MFGE8: variants seen among roughly 807,000 people sequenced by gnomAD.
MFGE8 encodes the protein lactadherin.
Under a neutral mutation model 42.6 loss-of-function variants are expected in MFGE8, and 34 were observed. The ratio of observed to expected loss-of-function variants is 0.80; its 90% CI spans 0.61 to 1.06. The LOEUF (loss-of-function observed/expected upper bound fraction) is 1.06, where lower values mean the gene tolerates loss of function less well. MFGE8 is among the 50% of genes least tolerant of loss of function. The pLI is 0.00. For missense variants in MFGE8, 510 were observed against 516.9 expected, an observed-to-expected ratio of 0.99 and a Z score of 0.13; for synonymous variants, 230 against 214.8, an observed-to-expected ratio of 1.07 and a Z score of -0.62.
At chr15:88,911,619 T>A (rs1030613455) in intron 1 of MFGE8, among the ~76,000 whole-genome samples, 7 of 151,758 alleles carry the variant, frequency 4.6e-5, no homozygotes, top group Non-Finnish European at 8.8e-5. Flanking sequence ...CCCAGCTACT[T>A]GGGAGGCTGA....
intron 5 of MFGE8, chr15:88,904,865 T>C (rs1898593404): frequency 6.6e-6 from 1 of 152,298 alleles, no homozygotes; most frequent in African/African-American, 2.4e-5. Context: ...GGCCAGCGGG[T>C]AAGATAAGAA....
Position 88,906,811 on chromosome 15 carries a change from T to A in MFGE8, c.388-33A>T. 6.2e-7 allele frequency: 1 copy of A among 1,611,644 alleles called. No individual in the cohort carries two copies. The highest frequency in any genetic ancestry group is 8.5e-7 in the Non-Finnish European group (1 of 1,179,618). The stretch of plus-strand genomic sequence containing the variant: ...CAGGGCAGGGGAGATGGCACCCTTA[T>A]CTCCTGGGTTCTTTCCACTCAAGAT... On this transcript the variant is annotated intron_variant, in intron 3 of 7. Coordinates refer to ENST00000268150, the MANE Select transcript of MFGE8 (RefSeq NM_005928.4). The surrounding 1 kb of genome is among the most constrained non-coding windows in gnomAD (Gnocchi z 4.2).
intron 6 of MFGE8, 100 bp downstream of exon 6, chr15:88,901,451 G>T: frequency 8.4e-7 from 1 of 1,185,598 alleles, no homozygotes; most frequent in Admixed American, 1.9e-5. Context: ...ACTCTTTTGG[G>T]GAGCAGAAGA....
At chr15:88,901,163 TCACA>T (rs1335179230) in intron 6 of MFGE8, among the ~76,000 whole-genome samples, 2 of 89,262 alleles carry the variant, frequency 2.2e-5, no homozygotes, top group African/African-American at 8.6e-5. Context: ...ACACACACAT[TCACA>T]CACATTCTCA....
Position 88,906,777 on chromosome 15 carries a change from ACCTGGACACAGGG to A in MFGE8, c.388-12_388del. On this transcript the variant is annotated splice_acceptor_variant and splice_polypyrimidine_tract_variant and coding_sequence_variant and intron_variant, in exon 4 of 8. Coordinates refer to ENST00000268150, the MANE Select transcript of MFGE8 (RefSeq NM_005928.4). LOFTEE classifies it high-confidence loss of function. This position sits in a 1 kb window ranked among gnomAD's most constrained non-coding sequence, Gnocchi z 4.2. Reference sequence around the variant, plus strand: ...TACCCACATCCTCCGCAGCAGGTTCACCTGGACACAGGGCAGGGGAGATGGCACCCTTATCTCC... The same window carrying A: ...TACCCACATCCTCCGCAGCAGGTTCACAGGGGAGATGGCACCCTTATCTCC... The A allele has an allele frequency of 9.9e-6, 16 of 1,612,692 alleles. No individual in the cohort carries two copies. The highest frequency in any genetic ancestry group is 1.3e-5 in the African/African-American group (1 of 74,970).
In MFGE8 at chr15:88,913,323, G is replaced by T. The variant is rs146809851; in HGVS notation, c.-4C>A. ...CCAGCAGGCGGGGGCGCGGCATGCT[G>T]CGGGGACGCGGGCGCTGGAATGGGC... is the stretch of plus-strand genomic sequence containing the variant. On this transcript the variant is annotated 5_prime_UTR_variant, in exon 1 of 8. Coordinates refer to ENST00000268150, the MANE Select transcript of MFGE8 (RefSeq NM_005928.4). The T allele has an allele frequency of 7.0e-7, 1 of 1,436,602 alleles. No homozygotes were observed. Among genetic ancestry groups the T allele is most frequent in the East Asian group, 2.9e-5 (1 of 34,450 alleles). The allele number at this position is 1,436,602 out of a possible 1,614,324, so 89.0% of individuals were successfully genotyped here. A position where few individuals can be genotyped will look rare whatever the true frequency, so the allele number is the denominator to read the frequency against.
intron 3 of MFGE8, 40 bp downstream of exon 3, chr15:88,907,155 T>C (rs747215675): frequency 8.2e-6 from 13 of 1,592,088 alleles, no homozygotes; most frequent in Non-Finnish European, 1.1e-5. Flanking sequence ...CATCGAGCCT[T>C]CTCTCCATTG....
intron 3 of MFGE8, 29 bp downstream of exon 3, chr15:88,907,166 C>T: frequency 1.9e-6 from 3 of 1,601,422 alleles, no homozygotes; most frequent in Middle Eastern, 1.7e-4. Flanking sequence ...CTCTCCATTG[C>T]CCCGCCCCAG....
At chr15:88,912,477 TAA>T (rs1282231403) in intron 1 of MFGE8, 3 of 985,234 alleles carry the variant, frequency 3.0e-6, no homozygotes, top group Non-Finnish European at 3.6e-6. Context: ...AGGGGCCACC[TAA>T]AGAGTCCTGG....
At chr15:88,910,096 A>G (rs1898889829) in intron 1 of MFGE8, 173 bp from the exon 2 acceptor site, 1 of 804,718 alleles carries the variant, frequency 1.2e-6, no homozygotes. Context: ...CCTAGAGCCA[A>G]GGAAGTCCAT....
chr15:88,905,658 C>T lies in MFGE8; in HGVS notation c.685+99G>A. ...GCCTGGTCCCCGTGCCTTGTTGCTG[C>T]CCTACCTAGCTCAGTTTGGCTGAGA... On this transcript the variant is annotated intron_variant, in intron 5 of 7. Coordinates refer to ENST00000268150, the MANE Select transcript of MFGE8 (RefSeq NM_005928.4). The surrounding 1 kb of genome is among the most constrained non-coding windows in gnomAD (Gnocchi z 6.6). The T allele has an allele frequency of 6.5e-7, 1 of 1,546,720 alleles. No individual in the cohort carries two copies. The highest frequency in any genetic ancestry group is 8.9e-7 in the Non-Finnish European group (1 of 1,126,740).
chr15:88,912,508 G>T (rs1899012964), intron 1 of MFGE8: 2 of 985,308 alleles, frequency 2.0e-6, no homozygotes, highest in Non-Finnish European at 2.4e-6. Context: ...CCCTCCCAGC[G>T]CTCCACGGTG....
Position 88,899,223 on chromosome 15 carries a change from G to A in MFGE8, c.*172C>T, listed in dbSNP as rs373425117. The A allele has an allele frequency of 3.4e-5, 30 of 874,002 alleles. No homozygotes were observed. Among genetic ancestry groups the A allele is most frequent in the African/African-American group, 1.3e-4 (8 of 60,028 alleles). 54.1% of individuals were successfully genotyped at this position (874,002 alleles called of 1,614,324 possible). ...GGGCTTAGGGGCTGGGGCAGGGCCC[G>A]TGAGAGGTGGAGGGTGGGAAAGAGG... On this transcript the variant is annotated 3_prime_UTR_variant, in exon 8 of 8. Coordinates refer to ENST00000268150, the MANE Select transcript of MFGE8 (RefSeq NM_005928.4). The surrounding 1 kb of genome is among the most constrained non-coding windows in gnomAD (Gnocchi z 6.8).
chr15:88,913,198 C>T, intron 1 of MFGE8, 49 bp downstream of exon 1: 2 of 1,477,928 alleles, frequency 1.4e-6, no homozygotes, highest in Admixed American at 2.3e-5. Flanking sequence ...AACTTCCGAG[C>T]GGCGCGGGGA....
At position 88,899,592 on chromosome 15, in the gene MFGE8, A is replaced by C; in HGVS notation, c.1027-60T>G. 6.2e-7 allele frequency: 1 copy of C among 1,614,090 alleles called. No individual in the cohort carries two copies. The highest frequency in any genetic ancestry group is 1.1e-5 in the South Asian group (1 of 91,068). ...CCAGCCCCCCTCCCCTCAGAGCCCCAGGCCAGACTCCCAGGGAAGTAATGA... is the reference window on the plus strand; with the variant it reads ...CCAGCCCCCCTCCCCTCAGAGCCCCCGGCCAGACTCCCAGGGAAGTAATGA... On this transcript the variant is annotated intron_variant, in intron 7 of 7. Transcript: ENST00000268150. This position sits in a 1 kb window ranked among gnomAD's most constrained non-coding sequence, Gnocchi z 6.8.
Position 88,913,362 on chromosome 15 carries a change from C to G in MFGE8, c.-43G>C, listed in dbSNP as rs1438692463. On this transcript the variant is annotated 5_prime_UTR_variant, in exon 1 of 8. Coordinates refer to ENST00000268150, the MANE Select transcript of MFGE8 (RefSeq NM_005928.4). ...GCTGGAATGGGCACGCTGGGCTGCT[C>G]AGACCCCGCGGGGTTCTGGCGCCTT... The G allele has an allele frequency of 2.2e-6, 3 of 1,360,856 alleles. No homozygotes were observed. Among genetic ancestry groups the G allele is most frequent in the Non-Finnish European group, 2.8e-6 (3 of 1,056,974 alleles). The allele number at this position is 1,360,856 out of a possible 1,614,324, so 84.3% of individuals were successfully genotyped here.
intron 1 of MFGE8, chr15:88,912,047 C>G (rs1321311476): frequency 8.5e-7 from 1 of 1,175,590 alleles, no homozygotes; most frequent in Non-Finnish European, 1.1e-6. Flanking sequence ...CCGGCCCTCT[C>G]CCTACACTGC....
Position 88,899,740 on chromosome 15 carries a change from C to G in MFGE8, c.942G>C (p.Gln314His). ...TQGARNFGSVQFVASYKVAYS... is the reference protein window; with the variant it reads ...TQGARNFGSVHFVASYKVAYS... ...AGGCAACCTTGTAGGATGCCACAAACTGGACAGAGCCAAAGTTACGGGCCC... is the reference window on the plus strand; with the variant it reads ...AGGCAACCTTGTAGGATGCCACAAAGTGGACAGAGCCAAAGTTACGGGCCC... Residue 314 changes from glutamine (Q) to histidine (H), a missense_variant, in exon 7 of 8, where the codon CAG (glutamine) becomes CAC (histidine). By Grantham distance (24) the Gln-to-His change is conservative. Transcript: ENST00000268150. The surrounding 1 kb of genome is among the most constrained non-coding windows in gnomAD (Gnocchi z 6.8). The G allele has an allele frequency of 1.2e-6, 2 of 1,614,204 alleles. No individual in the cohort carries two copies. The highest frequency in any genetic ancestry group is 1.7e-4 in the Middle Eastern group (1 of 6,060).
Position 88,906,559 on chromosome 15 carries a change from T to C in MFGE8, c.540+67A>G, listed in dbSNP as rs770444997. On this transcript the variant is annotated intron_variant, in intron 4 of 7. Transcript: ENST00000268150. This position sits in a 1 kb window ranked among gnomAD's most constrained non-coding sequence, Gnocchi z 4.2. ...GGTTCTCTGGACTCGCTGGGGGTCC[T>C]CAGTCAATGCTAGAACCTTAGGGGG... 3.1e-6 allele frequency: 5 copies of C among 1,592,002 alleles called. No homozygotes were observed. In the Admixed American group the frequency reaches 8.3e-5, roughly 27 times the overall value.
Sources: gnomAD v4.1 joint callset for allele counts (sites outside exome capture counted in the v4.1 genomes callset) on GRCh38, gnomAD v4.1.1 for gene constraint, Gnocchi (gnomAD v3.1) non-coding constraint, MANE v1.5 for transcripts, NCBI Gene and HGNC (gene_info 2026-07-23, HGNC 2026-07-21) for gene names.